NRG1: variants seen among roughly 807,000 people sequenced by gnomAD.
NRG1 encodes the protein pro-neuregulin-1, membrane-bound isoform.
A neutral mutation model predicts 63.8 loss-of-function variants in NRG1; 18 were observed. The observed-to-expected ratio is 0.28, with a 90% confidence interval of 0.19 to 0.42. The LOEUF is 0.42. NRG1 is among the 10% of genes least tolerant of loss of function. NRG1 has a pLI of 1.00. For synonymous variants in NRG1, 302 were observed against 301.3 expected (o/e 1.00, Z -0.02); for missense variants, 762 against 814.7 (o/e 0.94, Z 0.79).
intron 1 of NRG1, among the ~76,000 whole-genome samples, chr8:31,931,758 C>T (rs1194475168): frequency 6.6e-6 from 1 of 152,146 alleles, no homozygotes; most frequent in East Asian, 1.9e-4. Context: ...GGCTCTCTTC[C>T]TACTGCAGAC....
intron 1 of NRG1, among the ~76,000 whole-genome samples, chr8:32,418,398 CTTT>C (rs35351693): frequency 0.13 from 19,961 of 151,408 alleles, 1,739 homozygotes; most frequent in Admixed American, 0.25. Flanking sequence ...AATATATTCT[CTTT>C]TATATACATA....
At chr8:32,115,161 GCTGGAATTA>G (rs1160449993) in intron 1 of NRG1, among the ~76,000 whole-genome samples, 1 of 151,902 alleles carries the variant, frequency 6.6e-6, no homozygotes, top group Non-Finnish European at 1.5e-5. Flanking sequence ...CTCCCAAGTA[GCTGGAATTA>G]CAGGCATATA....
At chr8:31,842,795 A>G (rs1826315053) in intron 1 of NRG1, among the ~76,000 whole-genome samples, 1 of 152,208 alleles carries the variant, frequency 6.6e-6, no homozygotes, top group Admixed American at 6.5e-5. Flanking sequence ...GATGTAGTCA[A>G]GAAGACAAAA....
intron 3 of NRG1, among the ~76,000 whole-genome samples, chr8:32,609,740 A>G (rs1455505062): frequency 7.0e-6 from 1 of 143,108 alleles, no homozygotes; most frequent in African/African-American, 2.6e-5. Flanking sequence ...CGGCCACTGC[A>G]CTGGATTCAA....
At chr8:32,580,477 C>T (rs939648591) in intron 1 of NRG1, among the ~76,000 whole-genome samples, 1 of 152,198 alleles carries the variant, frequency 6.6e-6, no homozygotes, top group Non-Finnish European at 1.5e-5. Context: ...TTGTTGAGTG[C>T]TTGCAATGTG....
At chr8:31,939,247 G>T (rs1226006818) in intron 1 of NRG1, among the ~76,000 whole-genome samples, 2 of 152,136 alleles carry the variant, frequency 1.3e-5, no homozygotes, top group African/African-American at 2.4e-5. Context: ...AGAGATTGGG[G>T]TCCTATTCTT....
At chr8:32,307,552 C>T (rs1441360964) in intron 1 of NRG1, among the ~76,000 whole-genome samples, 1 of 151,208 alleles carries the variant, frequency 6.6e-6, no homozygotes, top group Non-Finnish European at 1.5e-5. Flanking sequence ...GAATCATTTC[C>T]CACCCTGTGA....
intron 1 of NRG1, among the ~76,000 whole-genome samples, chr8:32,334,650 T>C (rs1174879752): frequency 6.6e-6 from 1 of 152,198 alleles, no homozygotes; most frequent in African/African-American, 2.4e-5. Context: ...AAAGGCCCTG[T>C]TTCAGAAAAG....
intron 5 of NRG1, among the ~76,000 whole-genome samples, chr8:32,724,538 T>C (rs1821567630): frequency 6.6e-6 from 1 of 152,200 alleles, no homozygotes; most frequent in Non-Finnish European, 1.5e-5. Flanking sequence ...AGAAAAAATA[T>C]CACTGCGAAA....
chr8:32,350,885 G>T (rs1008594324), intron 1 of NRG1, among the ~76,000 whole-genome samples: 1 of 152,026 alleles, frequency 6.6e-6, no homozygotes, highest in Non-Finnish European at 1.5e-5. Context: ...AGATCAGCGC[G>T]GTGTCCACGC....
At chr8:32,015,798 C>T (rs1007115186) in intron 1 of NRG1, among the ~76,000 whole-genome samples, 4 of 151,840 alleles carry the variant, frequency 2.6e-5, no homozygotes, top group Admixed American at 2.0e-4. Flanking sequence ...AAAAGCCTAA[C>T]GGAATCTGGC....
chr8:32,741,951 C>A, intron 6 of NRG1, 57 bp from the exon 7 acceptor site: 2 of 1,372,762 alleles, frequency 1.5e-6, no homozygotes, highest in Non-Finnish European at 2.1e-6. Flanking sequence ...AATTGCCAGT[C>A]TGAAAGCTCA....
intron 1 of NRG1, among the ~76,000 whole-genome samples, chr8:32,501,767 A>G (rs1165871319): frequency 6.6e-6 from 1 of 152,240 alleles, no homozygotes; most frequent in Non-Finnish European, 1.5e-5. Flanking sequence ...TGCAACATAA[A>G]GCACAGAATA....
chr8:32,648,188 G>A (rs1563848903), intron 5 of NRG1: 2 of 1,614,098 alleles, frequency 1.2e-6, no homozygotes, highest in Middle Eastern at 1.6e-4. Flanking sequence ...AAGTTACAGT[G>A]CAAGGTGACA....
chr8:32,080,239 G>T (rs1462242883), intron 1 of NRG1, among the ~76,000 whole-genome samples: 2 of 152,086 alleles, frequency 1.3e-5, no homozygotes, highest in African/African-American at 4.8e-5. Context: ...TTTTATTTTA[G>T]GATTCTGTTA....
intron 1 of NRG1, among the ~76,000 whole-genome samples, chr8:32,352,984 A>G (rs1420324709): frequency 6.7e-6 from 1 of 150,342 alleles, no homozygotes; most frequent in Non-Finnish European, 1.5e-5. Flanking sequence ...AGACAGAGAG[A>G]GAGTAAAGAT....
At chr8:32,478,330 C>T (rs527688060) in intron 1 of NRG1, among the ~76,000 whole-genome samples, 1 of 152,274 alleles carries the variant, frequency 6.6e-6, no homozygotes, top group South Asian at 2.1e-4. Context: ...TCTCTTCAGG[C>T]CAAAGACTTT....
chr8:31,770,938 C>T (rs1384670597), intron 1 of NRG1, among the ~76,000 whole-genome samples: 1 of 152,016 alleles, frequency 6.6e-6, no homozygotes, highest in African/African-American at 2.4e-5. Context: ...GCACAATTAT[C>T]AAAACCAGGA....
intron 1 of NRG1, among the ~76,000 whole-genome samples, chr8:31,674,010 T>C (rs960661827): frequency 6.6e-6 from 1 of 152,198 alleles, no homozygotes; most frequent in Non-Finnish European, 1.5e-5. Context: ...AGATTTACCT[T>C]TTCTAGACAT....
Sources: gnomAD v4.1 joint callset for allele counts (sites outside exome capture counted in the v4.1 genomes callset) on GRCh38, gnomAD v4.1.1 for gene constraint, MANE v1.5 for transcripts, NCBI Gene and HGNC (gene_info 2026-07-23, HGNC 2026-07-21) for gene names.